The following CHCHD6 variants were observed in gnomAD, a reference collection of about 807,000 sequenced individuals.
CHCHD6 encodes the protein coiled-coil-helix-coiled-coil-helix domain containing 6.
In CHCHD6, 28 loss-of-function variants were observed where a neutral mutation model predicts 32.3. The observed-to-expected ratio is 0.87, with a 90% confidence interval of 0.64 to 1.19. The LOEUF (loss-of-function observed/expected upper bound fraction) is 1.19. CHCHD6 is among the 50% of genes most tolerant of loss of function. The pLI, the probability that CHCHD6 is intolerant of heterozygous loss-of-function variation, is 0.00. For missense variants in CHCHD6, 333 were observed against 307.0 expected (o/e 1.08, Z -0.63); for synonymous variants, 122 against 117.5 (o/e 1.04, Z -0.25).
At chr3:126,955,583 G>A (rs1467534619) in intron 6 of CHCHD6, among the ~76,000 whole-genome samples, 1 of 152,178 alleles carries the variant, frequency 6.6e-6, no homozygotes, top group Non-Finnish European at 1.5e-5. Flanking sequence ...CTTGGCGCTG[G>A]TGTGGCATGG....
chr3:126,905,365 C>T lies in CHCHD6; in HGVS notation c.496-9315C>T, dbSNP rs1340383527. Among the ~76,000 whole-genome samples the T allele has an allele frequency of 2.0e-5, 3 of 152,102 alleles. No homozygotes were observed. In the East Asian group the frequency reaches 5.8e-4, roughly 29 times the overall value. Reference sequence around the variant, plus strand: ...AGCAGAGATGACCTTGTTGTTGGGTCTCAAAGCATGAACAGGAGTTTCTTG... The same window carrying T: ...AGCAGAGATGACCTTGTTGTTGGGTTTCAAAGCATGAACAGGAGTTTCTTG... On this transcript the variant is annotated intron_variant, in intron 5 of 7. Transcript: ENST00000290913.
At chr3:126,824,464 A>G (rs113473897) in intron 4 of CHCHD6, among the ~76,000 whole-genome samples, 63,039 of 147,708 alleles carry the variant, frequency 0.43, 14,713 homozygotes, top group African/African-American at 0.63. Flanking sequence ...GGGAGACTGA[A>G]GCAGGAGAAT....
intron 4 of CHCHD6, among the ~76,000 whole-genome samples, chr3:126,748,361 A>G (rs900121526): frequency 6.6e-6 from 1 of 152,264 alleles, no homozygotes; most frequent in Admixed American, 6.5e-5. Flanking sequence ...TTGGGAAGCC[A>G]AGGCGGATGG....
intron 5 of CHCHD6, among the ~76,000 whole-genome samples, chr3:126,910,349 T>G (rs2078071974): frequency 6.6e-6 from 1 of 150,834 alleles, no homozygotes; most frequent in Admixed American, 6.6e-5. Context: ...TTCACCCTTA[T>G]TGCCCATGAG....
At chr3:126,910,541 C>T (rs1184691861) in intron 5 of CHCHD6, among the ~76,000 whole-genome samples, 1 of 152,230 alleles carries the variant, frequency 6.6e-6, no homozygotes, top group Non-Finnish European at 1.5e-5. Flanking sequence ...CATTTCTGCT[C>T]ATCCTTTAAA....
intron 4 of CHCHD6, chr3:126,780,516 C>T (rs889798422): frequency 1.0e-5 from 2 of 193,046 alleles, no homozygotes; most frequent in African/African-American, 4.7e-5. Context: ...TTTCTTTTCC[C>T]TGTTTAATCT....
chr3:126,726,975 A>G, intron 1 of CHCHD6, 103 bp from the exon 2 acceptor site: 1 of 773,096 alleles, frequency 1.3e-6, no homozygotes, highest in East Asian at 2.5e-5. Flanking sequence ...GTCTTGAGGA[A>G]GCAGCGCATT....
At chr3:126,824,768 G>A (rs1436204706) in intron 4 of CHCHD6, among the ~76,000 whole-genome samples, 2 of 151,526 alleles carry the variant, frequency 1.3e-5, no homozygotes, top group African/African-American at 4.9e-5. Context: ...TAGCAGAGAC[G>A]GGATTTCACC....
intron 4 of CHCHD6, among the ~76,000 whole-genome samples, chr3:126,771,620 T>G (rs1294913621): frequency 2.0e-5 from 3 of 152,218 alleles, no homozygotes; most frequent in Non-Finnish European, 2.9e-5. Flanking sequence ...TCGTATGGTT[T>G]TTAATGTCTC....
intron 4 of CHCHD6, among the ~76,000 whole-genome samples, chr3:126,797,072 T>G (rs934610726): frequency 6.6e-6 from 1 of 152,146 alleles, no homozygotes; most frequent in Admixed American, 6.5e-5. Context: ...TTCTTACCCC[T>G]GGAGGTGGAA....
At chr3:126,797,012 C>T (rs1351628048) in intron 4 of CHCHD6, among the ~76,000 whole-genome samples, 1 of 152,154 alleles carries the variant, frequency 6.6e-6, no homozygotes, top group Non-Finnish European at 1.5e-5. Context: ...TATTCCTTGC[C>T]CTAGGCTTAG....
chr3:126,796,947 G>C (rs941808951), intron 4 of CHCHD6, among the ~76,000 whole-genome samples: 5 of 152,214 alleles, frequency 3.3e-5, no homozygotes. Context: ...AACTCTGCCA[G>C]GGAAGCTTTA....
intron 6 of CHCHD6, chr3:126,953,112 G>A (rs149390052): frequency 2.9e-5 from 29 of 985,520 alleles, no homozygotes; most frequent in Non-Finnish European, 3.5e-5. Flanking sequence ...CAGCTCTGTG[G>A]GGTGGGGTCC....
chr3:126,789,282 G>C (rs1303999199), intron 4 of CHCHD6, among the ~76,000 whole-genome samples: 2 of 152,088 alleles, frequency 1.3e-5, no homozygotes, highest in African/African-American at 2.4e-5. Context: ...GTGGTGCTGA[G>C]AAGAATGTAT....
At chr3:126,801,519 G>C (rs1939069663) in intron 4 of CHCHD6, among the ~76,000 whole-genome samples, 1 of 152,228 alleles carries the variant, frequency 6.6e-6, no homozygotes, top group Admixed American at 6.5e-5. Flanking sequence ...AGGGGCACCC[G>C]ACATTGCCCA....
At position 126,960,388 on chromosome 3, in the gene CHCHD6, CTT is replaced by C. The variant is rs1447251458; in HGVS notation, c.*189_*190del. On this transcript the variant is annotated 3_prime_UTR_variant, in exon 8 of 8. Transcript: ENST00000290913. ...GTCTGAAAACAAATAAAGCAGATGC[CTT>C]TGTTTTCAGTCGTTGACTCACTGGC... 5 of 666,166 alleles carry C rather than the reference CTT, an allele frequency of 7.5e-6. No individual in the cohort carries two copies. Among genetic ancestry groups the C allele is most frequent in the Non-Finnish European group, 1.3e-5 (5 of 385,568 alleles). 41.3% of individuals were successfully genotyped at this position (666,166 alleles called of 1,614,324 possible). A position where few individuals can be genotyped will look rare whatever the true frequency, so the allele number is the denominator to read the frequency against.
chr3:126,957,264 C>A, intron 6 of CHCHD6, 152 bp from the exon 7 acceptor site: 1 of 849,290 alleles, frequency 1.2e-6, no homozygotes, highest in Non-Finnish European at 1.8e-6. Flanking sequence ...AACGGGAAAG[C>A]ACAGTGCTTC....
chr3:126,907,810 G>A (rs1228023983), intron 5 of CHCHD6, among the ~76,000 whole-genome samples: 1 of 152,174 alleles, frequency 6.6e-6, no homozygotes, highest in Non-Finnish European at 1.5e-5. Context: ...AGGATCCTGG[G>A]CTGCACATTT....
At chr3:126,892,409 A>T (rs762841344) in intron 5 of CHCHD6, among the ~76,000 whole-genome samples, 11 of 152,184 alleles carry the variant, frequency 7.2e-5, no homozygotes, top group Non-Finnish European at 1.5e-4. Context: ...CTTCCACAGC[A>T]TCCCCAATAA....
Sources: allele counts gnomAD v4.1 joint callset (sites outside exome capture counted in the v4.1 genomes callset), GRCh38; gene constraint gnomAD v4.1.1; transcripts MANE v1.5; gene names NCBI Gene and HGNC (gene_info 2026-07-23, HGNC 2026-07-21).